The following SAMMSON variants were observed in gnomAD, a reference collection of about 807,000 sequenced individuals.
SAMMSON encodes the protein long intergenic non-protein coding RNA 1212.
At chr3:70,369,461 T>A (rs1267412112) in intron 9 of SAMMSON, among the ~76,000 whole-genome samples, 1 of 151,754 alleles carries the variant, frequency 6.6e-6, no homozygotes, top group Non-Finnish European at 1.5e-5. Flanking sequence ...AAGACAATTA[T>A]GTCATCTGCC....
chr3:70,337,082 T>TTATTATTAATAATAATA (rs1559566746), intron 7 of SAMMSON, among the ~76,000 whole-genome samples: 51 of 38,020 alleles, frequency 1.3e-3, no homozygotes, highest in Admixed American at 2.0e-3. Flanking sequence ...TAACTTAATA[T>TTATTATTAATAATAATA]TCTTATTAAT....
At chr3:70,061,028 T>C (rs1205834954) in intron 3 of SAMMSON, among the ~76,000 whole-genome samples, 1 of 151,736 alleles carries the variant, frequency 6.6e-6, no homozygotes, top group Non-Finnish European at 1.5e-5. Context: ...CCAATGAAAA[T>C]GGAGGAAAAA....
intron 6 of SAMMSON, among the ~76,000 whole-genome samples, chr3:70,252,811 G>A (rs2106653360): frequency 6.6e-6 from 1 of 152,256 alleles, no homozygotes; most frequent in African/African-American, 2.4e-5. Context: ...CAGGCGCGGT[G>A]GCTCATGCCT....
At chr3:70,052,216 G>T (rs1441845594) in intron 3 of SAMMSON, among the ~76,000 whole-genome samples, 1 of 152,080 alleles carries the variant, frequency 6.6e-6, no homozygotes, top group Non-Finnish European at 1.5e-5. Flanking sequence ...TTACCCACAA[G>T]AATATTCCCA....
intron 4 of SAMMSON, among the ~76,000 whole-genome samples, chr3:70,197,569 G>A (rs1701194411): frequency 6.6e-6 from 1 of 152,216 alleles, no homozygotes; most frequent in Non-Finnish European, 1.5e-5. Context: ...GGCTTAAGAA[G>A]CAGTTAGGAT....
chr3:70,315,083 T>C (rs1303149209), intron 7 of SAMMSON, among the ~76,000 whole-genome samples: 1 of 152,178 alleles, frequency 6.6e-6, no homozygotes, highest in Non-Finnish European at 1.5e-5. Context: ...ATGATATAAT[T>C]ATTTAAGTCG....
At chr3:70,063,227 A>G (rs564379746) in intron 3 of SAMMSON, among the ~76,000 whole-genome samples, 28 of 152,140 alleles carry the variant, frequency 1.8e-4, no homozygotes, top group Admixed American at 1.8e-3. Flanking sequence ...AACCCTGCAC[A>G]TTGAGAACAG....
chr3:70,053,485 G>C (rs1482595728), intron 3 of SAMMSON, among the ~76,000 whole-genome samples: 2 of 152,118 alleles, frequency 1.3e-5, no homozygotes, highest in Non-Finnish European at 1.5e-5. Context: ...TAGTGGTGAG[G>C]TCTCAGATGG....
At chr3:70,173,008 C>T (rs1700974591) in intron 4 of SAMMSON, 1 of 151,786 alleles carries the variant, frequency 6.6e-6, no homozygotes, top group Non-Finnish European at 1.5e-5. Context: ...TGCTTCATAG[C>T]GTTCTCATGT....
intron 4 of SAMMSON, among the ~76,000 whole-genome samples, chr3:70,159,846 G>C (rs1036989567): frequency 6.6e-6 from 1 of 151,950 alleles, no homozygotes; most frequent in African/African-American, 2.4e-5. Context: ...GTGAGCCACC[G>C]TGCCTGGCCC....
At chr3:70,414,393 T>C (rs1019348681) in intron 2 of SAMMSON, among the ~76,000 whole-genome samples, 1 of 152,198 alleles carries the variant, frequency 6.6e-6, no homozygotes, top group African/African-American at 2.4e-5. Context: ...GTAACAAATA[T>C]AAAAATGAAA....
chr3:70,160,426 C>A (rs1366473134), intron 4 of SAMMSON, among the ~76,000 whole-genome samples: 2 of 139,510 alleles, frequency 1.4e-5, no homozygotes, highest in East Asian at 2.6e-4. Flanking sequence ...TGTACCAGTA[C>A]AATTTGTTAA....
intron 9 of SAMMSON, among the ~76,000 whole-genome samples, chr3:70,385,942 C>T (rs1445558766): frequency 6.6e-6 from 1 of 152,034 alleles, no homozygotes; most frequent in African/African-American, 2.4e-5. Flanking sequence ...GTTTTTCCAT[C>T]CTGAGTTTTG....
intron 7 of SAMMSON, among the ~76,000 whole-genome samples, chr3:70,296,511 A>T (rs7641392): frequency 0.013 from 1,975 of 152,136 alleles, 40 homozygotes; most frequent in African/African-American, 0.045. Flanking sequence ...AAGATAATTT[A>T]AAAAAAATCA....
intron 6 of SAMMSON, among the ~76,000 whole-genome samples, chr3:70,277,587 A>G (rs1026167103): frequency 6.6e-6 from 1 of 152,192 alleles, no homozygotes; most frequent in African/African-American, 2.4e-5. Context: ...GCCTAATGCA[A>G]GCAATAATGC....
chr3:70,288,587 G>C (rs9824094), intron 6 of SAMMSON, among the ~76,000 whole-genome samples: 1 of 148,466 alleles, frequency 6.7e-6, no homozygotes, highest in Non-Finnish European at 1.5e-5. Flanking sequence ...ACTTGCTGCA[G>C]AGCTGAGTTC....
At chr3:70,407,638 T>C (rs1192722698) in intron 2 of SAMMSON, among the ~76,000 whole-genome samples, 1 of 152,244 alleles carries the variant, frequency 6.6e-6, no homozygotes, top group African/African-American at 2.4e-5. Flanking sequence ...CTTGGGCAGC[T>C]CTGCCCCTGT....
chr3:70,114,996 G>A (rs979222240), intron 4 of SAMMSON, among the ~76,000 whole-genome samples: 10 of 151,920 alleles, frequency 6.6e-5, no homozygotes, highest in African/African-American at 2.2e-4. Flanking sequence ...GATTTGAAAG[G>A]GACCAAATCT....
chr3:70,125,590 C>T, intron 4 of SAMMSON: 3 of 696,870 alleles, frequency 4.3e-6, no homozygotes, highest in Non-Finnish European at 7.8e-6. Context: ...TTTTTTCTCA[C>T]AATTTTGTTT....
Sources: allele counts gnomAD v4.1 joint callset (sites outside exome capture counted in the v4.1 genomes callset), GRCh38; gene constraint gnomAD v4.1.1; transcripts MANE v1.5; gene names NCBI Gene and HGNC (gene_info 2026-07-23, HGNC 2026-07-21).